Variants in ZNF317 observed in about 807,000 individuals in gnomAD.
The protein encoded by ZNF317 is KRAB-containing zinc finger protein 317.
In ZNF317, 17 loss-of-function variants were observed where a neutral mutation model predicts 23.4. That is an observed-to-expected ratio of 0.73 (90% CI 0.50 to 1.09). The LOEUF is 1.09. Among genes scored for constraint, ZNF317 ranks in the 50% least tolerant of loss-of-function variants. The probability of loss-of-function intolerance (pLI) is 0.00; values close to 1 mark genes in which losing one functional copy is unlikely to be tolerated. For synonymous variants in ZNF317, 317 were observed against 314.9 expected (o/e 1.01, Z -0.07); for missense variants, 679 against 796.7 (o/e 0.85, Z 1.78).
chr19:9,160,246 G>A lies in ZNF317; in HGVS notation c.601G>A (p.Val201Ile), dbSNP rs1278796571. The A allele has an allele frequency of 6.2e-6, 10 of 1,614,150 alleles. No homozygotes were observed. Among genetic ancestry groups the A allele is most frequent in the Non-Finnish European group, 8.5e-6 (10 of 1,180,038 alleles). ...KRPYHRRDYG[V>I]AFKGRPHLTQ... ...GCCCTATCACCGCCGCGACTATGGGGTAGCGTTCAAGGGCAGGCCGCACCT... is the reference window on the plus strand; with the variant it reads ...GCCCTATCACCGCCGCGACTATGGGATAGCGTTCAAGGGCAGGCCGCACCT... The change falls in exon 7 of 7, where the codon GTA becomes ATA. Residue 201 changes from valine (V) to isoleucine (I), a missense_variant. Physicochemically the swap from Val to Ile is conservative, Grantham distance 29. Transcript: ENST00000247956. This position sits in a 1 kb window ranked among gnomAD's most constrained non-coding sequence, Gnocchi z 6.8.
At chr19:9,154,002 A>C (rs1419146183) in intron 1 of ZNF317, among the ~76,000 whole-genome samples, 1 of 152,170 alleles carries the variant, frequency 6.6e-6, no homozygotes, top group Non-Finnish European at 1.5e-5. Flanking sequence ...GTCCATGCAT[A>C]GGAAATTGTC....
chr19:9,150,918 G>C (rs1016695480), intron 1 of ZNF317, among the ~76,000 whole-genome samples: 1 of 152,176 alleles, frequency 6.6e-6, no homozygotes, highest in African/African-American at 2.4e-5. Flanking sequence ...CGGACCCTTG[G>C]TGCCTTATTC....
intron 5 of ZNF317, 118 bp downstream of exon 5, chr19:9,158,193 T>A: frequency 7.7e-7 from 1 of 1,294,962 alleles, no homozygotes; most frequent in South Asian, 1.7e-5. Context: ...TCCTTCCCTC[T>A]TTTTGCCCAT....
At chr19:9,153,832 A>G (rs182020822) in intron 1 of ZNF317, among the ~76,000 whole-genome samples, 1 of 152,216 alleles carries the variant, frequency 6.6e-6, no homozygotes, top group Non-Finnish European at 1.5e-5. Flanking sequence ...ACGGGAGTAA[A>G]TTGTATTTTC....
In ZNF317 at chr19:9,160,118, G is replaced by T; in HGVS notation, c.473G>T (p.Arg158Ile). ...CACTTACGTCTTAACCAACAGGAAAGAGCCGGTCTTGGAGAGAAGTCCACT... is the reference window on the plus strand; with the variant it reads ...CACTTACGTCTTAACCAACAGGAAATAGCCGGTCTTGGAGAGAAGTCCACT... ...KETPSGVTMERAGLGEKSTEY... is the reference protein window; with the variant it reads ...KETPSGVTMEIAGLGEKSTEY... The change falls in exon 7 of 7, where the codon AGA (arginine) becomes ATA (isoleucine). Residue 158 changes from arginine to isoleucine, a missense_variant. By Grantham distance (97) the Arg-to-Ile change is moderately conservative. Coordinates refer to ENST00000247956, the MANE Select transcript of ZNF317 (RefSeq NM_020933.5). This position sits in a 1 kb window ranked among gnomAD's most constrained non-coding sequence, Gnocchi z 6.8. 6.2e-7 allele frequency: 1 copy of T among 1,613,862 alleles called. No individual in the cohort carries two copies. Among genetic ancestry groups the T allele is most frequent in the Non-Finnish European group, 8.5e-7 (1 of 1,179,730 alleles).
intron 1 of ZNF317, among the ~76,000 whole-genome samples, chr19:9,150,337 A>G (rs1303399565): frequency 6.6e-6 from 1 of 152,230 alleles, no homozygotes; most frequent in South Asian, 2.1e-4. Flanking sequence ...GAGCCTATAG[A>G]GTTCCATACA....
At chr19:9,158,440 G>C (rs141813612) in intron 5 of ZNF317, among the ~76,000 whole-genome samples, 9,627 of 130,052 alleles carry the variant, frequency 0.074, 339 homozygotes, top group Middle Eastern at 0.18. Context: ...GCATGATCTC[G>C]GCTCACTGCA....
chr19:9,156,378 A>C (rs1299145902), intron 2 of ZNF317, among the ~76,000 whole-genome samples: 2 of 152,156 alleles, frequency 1.3e-5, no homozygotes, highest in African/African-American at 4.8e-5. Flanking sequence ...GGTTGGAACT[A>C]TGTCACTTCT....
intron 6 of ZNF317, among the ~76,000 whole-genome samples, chr19:9,159,448 A>G (rs2050822385): frequency 6.6e-6 from 1 of 151,990 alleles, no homozygotes; most frequent in Non-Finnish European, 1.5e-5. Context: ...GAGATCCATC[A>G]GCCTCGGTCT....
At chr19:9,147,743 G>A (rs1013440845) in intron 1 of ZNF317, among the ~76,000 whole-genome samples, 48 of 152,080 alleles carry the variant, frequency 3.2e-4, no homozygotes, top group African/African-American at 1.0e-3. Flanking sequence ...TGCTGGGGTC[G>A]CTTAGATGCT....
At chr19:9,140,719 G>T (rs763545352) in intron 1 of ZNF317, 127 bp downstream of exon 1, 1 of 371,850 alleles carries the variant, frequency 2.7e-6, no homozygotes, top group Non-Finnish European at 5.3e-6. Flanking sequence ...GACGAGGGGT[G>T]CGTTTAGATC....
At chr19:9,156,894 G>A (rs558384629) in intron 3 of ZNF317, 146 bp downstream of exon 3, 444 of 1,030,014 alleles carry the variant, frequency 4.3e-4, no homozygotes, top group Non-Finnish European at 5.7e-4. Flanking sequence ...TATTGGGGCT[G>A]TCCTGGTGTT....
intron 1 of ZNF317, among the ~76,000 whole-genome samples, chr19:9,150,419 A>T (rs2050726369): frequency 6.6e-6 from 1 of 152,208 alleles, no homozygotes; most frequent in African/African-American, 2.4e-5. Flanking sequence ...TTGGGAGGGG[A>T]ATGAGCAGAA....
At chr19:9,147,749 A>T (rs185716858) in intron 1 of ZNF317, among the ~76,000 whole-genome samples, 5 of 152,258 alleles carry the variant, frequency 3.3e-5, no homozygotes, top group Admixed American at 1.3e-4. Flanking sequence ...GGTCGCTTAG[A>T]TGCTGAAATC....
At chr19:9,156,892 C>G in intron 3 of ZNF317, 144 bp downstream of exon 3, 1 of 1,046,174 alleles carries the variant, frequency 9.6e-7, no homozygotes, top group Non-Finnish European at 1.4e-6. Flanking sequence ...AATATTGGGG[C>G]TGTCCTGGTG....
chr19:9,143,920 TTTC>T (rs2050658182), intron 1 of ZNF317, among the ~76,000 whole-genome samples: 1 of 135,148 alleles, frequency 7.4e-6, no homozygotes, highest in Admixed American at 7.3e-5. Context: ...TCAAACCAGC[TTTC>T]TTTTTTTTTT....
At position 9,154,028 on chromosome 19, in the gene ZNF317, T is replaced by C. The variant is rs147970200; in HGVS notation, c.-92-1897T>C. Reference sequence around the variant, plus strand: ...GGAAATTGTCTAGCAGGGCGAGAAATGAGGCTGAAAGTAAAGGAGAGCCAG... The same window carrying C: ...GGAAATTGTCTAGCAGGGCGAGAAACGAGGCTGAAAGTAAAGGAGAGCCAG... On this transcript the variant is annotated intron_variant, in intron 1 of 6. Transcript: ENST00000247956. Among the ~76,000 whole-genome samples, 678 of 152,028 alleles carry C rather than the reference T, an allele frequency of 4.5e-3. 4 individuals carry two copies. The highest frequency in any genetic ancestry group is 9.2e-3 in the South Asian group (44 of 4,806).
In ZNF317 at chr19:9,161,703, T is replaced by C; in HGVS notation, c.*270T>C. The C allele has an allele frequency of 2.5e-6, 1 of 401,614 alleles. No homozygotes were observed. The highest frequency in any genetic ancestry group is 4.5e-5 in the South Asian group (1 of 22,206). 24.9% of individuals were successfully genotyped at this position (401,614 alleles called of 1,614,324 possible). On this transcript the variant is annotated 3_prime_UTR_variant, in exon 7 of 7. Coordinates refer to ENST00000247956, the MANE Select transcript of ZNF317 (RefSeq NM_020933.5). The surrounding 1 kb of genome is among the most constrained non-coding windows in gnomAD (Gnocchi z 4.0). ...TCTTAACAAACACAGGAGGACTTAA[T>C]GGCAGCTTGGCATTTAATGTCAAAA...
intron 1 of ZNF317, among the ~76,000 whole-genome samples, chr19:9,151,403 A>G (rs2050734997): frequency 6.6e-6 from 1 of 152,200 alleles, no homozygotes; most frequent in South Asian, 2.1e-4. Flanking sequence ...AGAAATACTA[A>G]TTGATGTTGA....
Sources: gnomAD v4.1 joint callset for allele counts (sites outside exome capture counted in the v4.1 genomes callset) on GRCh38, gnomAD v4.1.1 for gene constraint, Gnocchi (gnomAD v3.1) non-coding constraint, MANE v1.5 for transcripts, NCBI Gene and HGNC (gene_info 2026-07-23, HGNC 2026-07-21) for gene names.